Variants in PPARGC1A observed in about 807,000 individuals in gnomAD.
PPARGC1A encodes peroxisome proliferator-activated receptor gamma coactivator 1-alpha.
Under a neutral mutation model 88.7 loss-of-function variants are expected in PPARGC1A, and 25 were observed. That is an observed-to-expected ratio of 0.28 (90% CI 0.21 to 0.39). The LOEUF is 0.39. Ranked by LOEUF, PPARGC1A falls within the 10% of genes least tolerant of loss-of-function variation. PPARGC1A has a pLI of 1.00. For synonymous variants in PPARGC1A, 363 were observed against 355.6 expected (o/e 1.02, Z -0.24); for missense variants, 880 against 968.7 (o/e 0.91, Z 1.22).
At chr4:24,302,374 A>G in the PPARGC1A span, among the ~76,000 whole-genome samples, 1 of 152,162 alleles carries the variant, frequency 6.6e-6, no homozygotes, top group Non-Finnish European at 1.5e-5. Flanking sequence ...GTGAGCACTG[A>G]AATGTCTGTT....
At chr4:23,895,936 ATGTGTG>A (rs550243415) in intron 1 of PPARGC1A, among the ~76,000 whole-genome samples, 267 of 130,692 alleles carry the variant, frequency 2.0e-3, no homozygotes, top group South Asian at 0.012. Context: ...AATTATAGAG[ATGTGTG>A]TGTGTGTGTG....
chr4:24,131,621 T>C, the PPARGC1A span, among the ~76,000 whole-genome samples: 1 of 152,384 alleles, frequency 6.6e-6, no homozygotes, highest in East Asian at 1.9e-4. Context: ...TGATTCTGTA[T>C]GTTTTCCCTT....
chr4:24,412,744 C>T, the PPARGC1A span, among the ~76,000 whole-genome samples: 2 of 152,128 alleles, frequency 1.3e-5, no homozygotes, highest in East Asian at 1.9e-4. Flanking sequence ...CCTCCCAAAG[C>T]GTTGGGATTA....
At chr4:24,343,988 C>T in the PPARGC1A span, among the ~76,000 whole-genome samples, 2 of 152,070 alleles carry the variant, frequency 1.3e-5, no homozygotes, top group South Asian at 4.2e-4. Flanking sequence ...TGAGAACACA[C>T]AATGTTTGGT....
intron 2 of PPARGC1A, among the ~76,000 whole-genome samples, chr4:23,837,874 C>T (rs1182119321): frequency 2.0e-5 from 3 of 152,108 alleles, no homozygotes; most frequent in East Asian, 1.9e-4. Context: ...TAGATAAAAC[C>T]TTGTACCTGT....
chr4:24,050,918 T>C, the PPARGC1A span, among the ~76,000 whole-genome samples: 1 of 152,152 alleles, frequency 6.6e-6, no homozygotes, highest in Admixed American at 6.5e-5. Flanking sequence ...CCGGGCGCAG[T>C]GGCTCACGCC....
rs3774901 is a variant in PPARGC1A, at chr4:23,889,471, C to T, written c.54+433G>A. 1,786 of 598,090 alleles carry T rather than the reference C, an allele frequency of 3.0e-3. 79 individuals are homozygous for T. The East Asian group carries it at 0.12, about 41-fold the overall frequency. The allele number at this position is 598,090 out of a possible 1,614,324, so 37.0% of individuals were successfully genotyped here. Reference sequence around the variant, plus strand: ...AGGGGGGAAAAATCCGGACTAGAGTCAAAACGGACTATATTTGAACACATC... The same window carrying T: ...AGGGGGGAAAAATCCGGACTAGAGTTAAAACGGACTATATTTGAACACATC... On this transcript the variant is annotated intron_variant, in intron 1 of 12. Coordinates refer to ENST00000264867, the MANE Select transcript of PPARGC1A (RefSeq NM_013261.5).
chr4:23,921,708 G>A, the PPARGC1A span, among the ~76,000 whole-genome samples: 30 of 152,354 alleles, frequency 2.0e-4, no homozygotes, highest in African/African-American at 6.5e-4. Context: ...CTGAAAGCAA[G>A]TGTGGTTTTA....
At position 23,863,904 on chromosome 4, in the gene PPARGC1A, G is replaced by A. The variant is rs148503936; in HGVS notation, c.234+20848C>T. On this transcript the variant is annotated intron_variant, in intron 2 of 12. Coordinates refer to ENST00000264867, the MANE Select transcript of PPARGC1A (RefSeq NM_013261.5). ...TGGGATTATGGGCGCGTGCCATCACGCCTGGCTAATTTTTGTATTTTTAGT... is the reference window on the plus strand; with the variant it reads ...TGGGATTATGGGCGCGTGCCATCACACCTGGCTAATTTTTGTATTTTTAGT... Among the ~76,000 whole-genome samples, 560 of 152,200 alleles carry A rather than the reference G, an allele frequency of 3.7e-3. 1 individual carries two copies. The highest frequency in any genetic ancestry group is 6.6e-3 in the Non-Finnish European group (451 of 68,016).
the PPARGC1A span, among the ~76,000 whole-genome samples, chr4:24,226,309 C>T: frequency 6.6e-6 from 1 of 152,166 alleles, no homozygotes; most frequent in Admixed American, 6.5e-5. Flanking sequence ...CACTGCCGAC[C>T]CAGCCTGCAT....
At chr4:24,090,703 G>A in the PPARGC1A span, among the ~76,000 whole-genome samples, 1 of 152,142 alleles carries the variant, frequency 6.6e-6, no homozygotes, top group East Asian at 1.9e-4. Context: ...CTTCAATATT[G>A]TTGTCTAATT....
the PPARGC1A span, among the ~76,000 whole-genome samples, chr4:24,194,630 G>GCGCACACACA: frequency 6.2e-5 from 3 of 48,608 alleles, no homozygotes; most frequent in African/African-American, 1.2e-4. Context: ...GCACGCGCGC[G>GCGCACACACA]CACACACACA....
At chr4:24,154,751 G>A in the PPARGC1A span, among the ~76,000 whole-genome samples, 1 of 152,170 alleles carries the variant, frequency 6.6e-6, no homozygotes, top group Non-Finnish European at 1.5e-5. Flanking sequence ...TCTTCTGTCT[G>A]TCCTCAAGAT....
At chr4:24,437,921 C>A in the PPARGC1A span, among the ~76,000 whole-genome samples, 1 of 152,074 alleles carries the variant, frequency 6.6e-6, no homozygotes, top group Admixed American at 6.5e-5. Context: ...AGGTGATCCA[C>A]CCTCCTCAGC....
At chr4:24,329,911 T>C in the PPARGC1A span, among the ~76,000 whole-genome samples, 1 of 152,138 alleles carries the variant, frequency 6.6e-6, no homozygotes, top group Non-Finnish European at 1.5e-5. Context: ...GAGTGAGTAT[T>C]CTCTCCTACC....
chr4:23,981,742 ATT>A, the PPARGC1A span, among the ~76,000 whole-genome samples: 1 of 152,278 alleles, frequency 6.6e-6, no homozygotes, highest in East Asian at 1.9e-4. Context: ...AATTACTATT[ATT>A]CTCTGTGTTC....
chr4:24,277,601 TAA>T, the PPARGC1A span, among the ~76,000 whole-genome samples: 1 of 152,138 alleles, frequency 6.6e-6, no homozygotes, highest in Middle Eastern at 3.2e-3. Context: ...TAACTGCTCA[TAA>T]AAAGACTCCA....
At chr4:23,851,946 G>C (rs1484814866) in intron 2 of PPARGC1A, among the ~76,000 whole-genome samples, 1 of 152,156 alleles carries the variant, frequency 6.6e-6, no homozygotes, top group Non-Finnish European at 1.5e-5. Flanking sequence ...AGGAAGTTTA[G>C]GGTATAGCTT....
chr4:23,847,528 A>C lies in PPARGC1A; in HGVS notation c.235-15777T>G, dbSNP rs140445721. On this transcript the variant is annotated intron_variant, in intron 2 of 12. Coordinates refer to ENST00000264867, the MANE Select transcript of PPARGC1A (RefSeq NM_013261.5). ...AATGACTACTGCCATCAGATTGAAC[A>C]CCTTTAAAAACAAAGAATCACAGAT... 2.1e-3 allele frequency among the ~76,000 whole-genome samples: 327 copies of C among 152,324 alleles called. 1 individual carries two copies. Among genetic ancestry groups the C allele is most frequent in the African/African-American group, 7.3e-3 (302 of 41,568 alleles).
Sources: allele counts gnomAD v4.1 joint callset (sites outside exome capture counted in the v4.1 genomes callset), GRCh38; gene constraint gnomAD v4.1.1; transcripts MANE v1.5; gene names NCBI Gene and HGNC (gene_info 2026-07-23, HGNC 2026-07-21).